Variants in CD36 observed in about 807,000 individuals in gnomAD.
CD36 encodes the protein platelet glycoprotein 4.
CD36 carries 119 observed loss-of-function variants against 55.2 expected under a neutral mutation model. The ratio of observed to expected loss-of-function variants is 2.15; its 90% CI spans 1.86 to 2.51. CD36 has a LOEUF of 2.51. Among genes scored for constraint, CD36 ranks in the 30% most tolerant of loss-of-function variants. The probability of loss-of-function intolerance (pLI) is 0.00; values close to 1 mark genes in which losing one functional copy is unlikely to be tolerated. For missense variants in CD36, 819 were observed against 555.5 expected, an observed-to-expected ratio of 1.47 and a Z score of -4.77; for synonymous variants, 186 against 193.6, an observed-to-expected ratio of 0.96 and a Z score of 0.33.
chr7:80,637,059 C>G (rs1447337498), upstream of CD36: 1 of 152,010 alleles, frequency 6.6e-6, no homozygotes, highest in Non-Finnish European at 1.5e-5. Flanking sequence ...CTGAAATAAT[C>G]TTTCTCTAAT....
chr7:80,672,004 TGAAGAA>T lies in CD36; in HGVS notation c.1093_1098del (p.Glu365_Glu366del). The stretch of plus-strand genomic sequence containing the variant: ...AACCTATTGATGGATTAAACCCAAA[TGAAGAA>T]GAACATAGGACATACTTGGATATTG... On this transcript the variant is annotated inframe_deletion, in exon 11 of 15. Coordinates refer to ENST00000447544, the MANE Select transcript of CD36 (RefSeq NM_001001548.3). 6.2e-7 allele frequency: 1 copy of T among 1,608,852 alleles called. No homozygotes were observed. Among genetic ancestry groups the T allele is most frequent in the Non-Finnish European group, 8.5e-7 (1 of 1,176,036 alleles).
chr7:80,663,422 C>T (rs1180087049), intron 6 of CD36, among the ~76,000 whole-genome samples: 1 of 152,052 alleles, frequency 6.6e-6, no homozygotes, highest in Non-Finnish European at 1.5e-5. Context: ...TATAAATACA[C>T]AATTTTTTTT....
intron 13 of CD36, 77 bp downstream of exon 13, chr7:80,673,486 G>A (rs1797934881): frequency 2.7e-5 from 23 of 856,858 alleles, no homozygotes; most frequent in Admixed American, 2.2e-4. Context: ...TCAAAAGAAT[G>A]TATAGTATTT....
In CD36 at chr7:80,656,556, A is replaced by G. The variant is rs750745373; in HGVS notation, c.137A>G (p.Glu46Gly). The G allele has an allele frequency of 1.2e-6, 2 of 1,613,652 alleles. No homozygotes were observed. Among genetic ancestry groups the G allele is most frequent in the East Asian group, 2.2e-5 (1 of 44,810 alleles). ...TTTTCATAGCAAGTTGTCCTCGAAGAAGGTACAATTGCTTTTAAAAATTGG... is the reference window on the plus strand; with the variant it reads ...TTTTCATAGCAAGTTGTCCTCGAAGGAGGTACAATTGCTTTTAAAAATTGG... ...KTIKKQVVLEEGTIAFKNWVK... is the reference protein window; with the variant it reads ...KTIKKQVVLEGGTIAFKNWVK... Residue 46 changes from glutamate to glycine, a missense_variant, in exon 4 of 15, where the codon GAA becomes GGA. Transcript: ENST00000447544.
At chr7:80,622,141 G>T (rs1432029275) in intron 1 of CD36, among the ~76,000 whole-genome samples, 2 of 152,188 alleles carry the variant, frequency 1.3e-5, no homozygotes, top group African/African-American at 4.8e-5. Flanking sequence ...CAGGTGGGGG[G>T]ACCACCCCTG....
chr7:80,662,966 T>C lies in CD36; in HGVS notation c.430-24T>C, dbSNP rs776445181. 5 of 1,580,160 alleles carry C rather than the reference T, an allele frequency of 3.2e-6. No homozygotes were observed. In the Admixed American group the frequency reaches 8.3e-5, roughly 26 times the overall value. ...AAAATCTAATATTGTATTCTTGTCT[T>C]AAACAGTGACTTTGTTTTTGTAGGC... On this transcript the variant is annotated intron_variant, in intron 5 of 14. Coordinates refer to ENST00000447544, the MANE Select transcript of CD36 (RefSeq NM_001001548.3).
chr7:80,672,268 G>A (rs3211945), intron 11 of CD36, among the ~76,000 whole-genome samples: 1 of 151,682 alleles, frequency 6.6e-6, no homozygotes. Context: ...AGGAGTTATT[G>A]TATATTATGC....
At chr7:80,650,801 A>C (rs3211834) in intron 3 of CD36, among the ~76,000 whole-genome samples, 99,170 of 151,672 alleles carry the variant, frequency 0.65, 32,626 homozygotes, top group African/African-American at 0.73. Context: ...TTTGCTCTTT[A>C]TTTTCAAGGG....
At chr7:80,673,876 T>C (rs1584474862) in intron 13 of CD36, 107 bp from the exon 14 acceptor site, 1 of 821,288 alleles carries the variant, frequency 1.2e-6, no homozygotes, top group Non-Finnish European at 2.1e-6. Context: ...TAGATACTGA[T>C]GACTAACACC....
At chr7:80,616,454 CA>C (rs1793162498) in intron 1 of CD36, among the ~76,000 whole-genome samples, 1 of 105,248 alleles carries the variant, frequency 9.5e-6, no homozygotes, top group Non-Finnish European at 1.9e-5. Flanking sequence ...TGTGTGCCTG[CA>C]CGCACACACA....
intron 10 of CD36, among the ~76,000 whole-genome samples, 186 bp from the exon 11 acceptor site, chr7:80,671,736 A>G (rs1457208244): frequency 1.3e-5 from 2 of 152,076 alleles, no homozygotes; most frequent in African/African-American, 2.4e-5. Context: ...TGAAAGCTTT[A>G]CATATTGAAA....
At position 80,671,101 on chromosome 7, in the gene CD36, G is replaced by GA. The variant is rs70961716; in HGVS notation, c.949dup (p.Ile317AsnfsTer36). Reference sequence around the variant, plus strand: ...CCCAGACAACTATTGTTTCTGCACAGAAAAAATTATCTCAAAAAATTGTAC... The same window carrying GA: ...CCCAGACAACTATTGTTTCTGCACAGAAAAAAATTATCTCAAAAAATTGTAC... On this transcript the variant is annotated frameshift_variant, in exon 10 of 15. Coordinates refer to ENST00000447544, the MANE Select transcript of CD36 (RefSeq NM_001001548.3). LOFTEE classifies it high-confidence loss of function. 2.0e-4 allele frequency: 320 copies of GA among 1,613,352 alleles called. 2 individuals are homozygous for GA. The East Asian group carries it at 5.2e-3, about 26-fold the overall frequency.
chr7:80,645,513 T>C (rs1478686317), intron 1 of CD36, among the ~76,000 whole-genome samples: 1 of 151,698 alleles, frequency 6.6e-6, no homozygotes, highest in Non-Finnish European at 1.5e-5. Flanking sequence ...GCACCTGTAA[T>C]CCCAGCTACA....
chr7:80,620,555 A>C (rs1352391551), intron 1 of CD36, among the ~76,000 whole-genome samples: 1 of 152,152 alleles, frequency 6.6e-6, no homozygotes, highest in Non-Finnish European at 1.5e-5. Context: ...CCAAGCATTC[A>C]GCTATCAAGA....
intron 1 of CD36, among the ~76,000 whole-genome samples, chr7:80,603,110 A>G (rs1040482498): frequency 6.6e-6 from 1 of 152,100 alleles, no homozygotes; most frequent in Non-Finnish European, 1.5e-5. Context: ...AATTTTTATT[A>G]TATGGTGTGT....
At chr7:80,641,218 G>C (rs1794787147) in intron 1 of CD36, among the ~76,000 whole-genome samples, 1 of 152,018 alleles carries the variant, frequency 6.6e-6, no homozygotes, top group Admixed American at 6.6e-5. Context: ...TATAAAGAAT[G>C]ACCTAATGAC....
chr7:80,614,838 A>C (rs1212133998), intron 1 of CD36, among the ~76,000 whole-genome samples: 2 of 152,174 alleles, frequency 1.3e-5, no homozygotes, highest in Non-Finnish European at 2.9e-5. Flanking sequence ...TGTCGCTTCA[A>C]CGAATGCCAA....
At position 80,661,112 on chromosome 7, in the gene CD36, A is replaced by G; in HGVS notation, c.331A>G (p.Thr111Ala). The G allele has an allele frequency of 6.2e-7, 1 of 1,613,880 alleles. No individual in the cohort carries two copies. Among genetic ancestry groups the G allele is most frequent in the Non-Finnish European group, 8.5e-7 (1 of 1,179,882 alleles). Residue 111 changes from threonine to alanine, a missense_variant, in exon 5 of 15, where the codon ACA becomes GCA. Coordinates refer to ENST00000447544, the MANE Select transcript of CD36 (RefSeq NM_001001548.3). ...ENVTQDAEDN[T>A]VSFLQPNGAI... Reference sequence around the variant, plus strand: ...TGTAACCCAGGACGCTGAGGACAACACAGTCTCTTTCCTGCAGCCCAATGG... The same window carrying G: ...TGTAACCCAGGACGCTGAGGACAACGCAGTCTCTTTCCTGCAGCCCAATGG...
chr7:80,668,594 T>C (rs1009394928), intron 8 of CD36, among the ~76,000 whole-genome samples: 4 of 152,202 alleles, frequency 2.6e-5, no homozygotes, highest in Admixed American at 6.5e-5. Flanking sequence ...TCATTGTCCA[T>C]GGTAGTTGCT....
Sources: allele counts gnomAD v4.1 joint callset (sites outside exome capture counted in the v4.1 genomes callset), GRCh38; gene constraint gnomAD v4.1.1; transcripts MANE v1.5; gene names NCBI Gene and HGNC (gene_info 2026-07-23, HGNC 2026-07-21).